The following PDGFC variants were observed in gnomAD, a reference collection of about 807,000 sequenced individuals.
The protein encoded by PDGFC is platelet-derived growth factor C.
A neutral mutation model predicts 35.5 loss-of-function variants in PDGFC; 12 were observed. That is an observed-to-expected ratio of 0.34 (90% CI 0.22 to 0.55). The LOEUF is 0.55. Ranked by LOEUF, PDGFC falls within the 20% of genes least tolerant of loss-of-function variation. The probability of loss-of-function intolerance (pLI) is 0.91; values close to 1 mark genes in which losing one functional copy is unlikely to be tolerated. For missense variants in PDGFC, 322 were observed against 412.4 expected, an observed-to-expected ratio of 0.78 and a Z score of 1.90; for synonymous variants, 159 against 148.8, an observed-to-expected ratio of 1.07 and a Z score of -0.50.
intron 1 of PDGFC, among the ~76,000 whole-genome samples, chr4:156,928,008 T>A (rs1346084944): frequency 6.6e-6 from 1 of 152,076 alleles, no homozygotes; most frequent in East Asian, 1.9e-4. Context: ...CCTTACATGG[T>A]GGTGGCAAGA....
intron 1 of PDGFC, among the ~76,000 whole-genome samples, chr4:156,908,144 C>A (rs887112682): frequency 6.6e-6 from 1 of 151,972 alleles, no homozygotes; most frequent in Non-Finnish European, 1.5e-5. Context: ...CCAGCCTGGG[C>A]GACAGAGTGA....
In PDGFC at chr4:156,920,644, AACACACACACACACACAC is replaced by A. The variant is rs10611712; in HGVS notation, c.118+50124_118+50141del. Among the ~76,000 whole-genome samples, 32 of 132,048 alleles carry A rather than the reference AACACACACACACACACAC, an allele frequency of 2.4e-4. 1 individual carries two copies. In the East Asian group the frequency reaches 4.9e-3, roughly 20 times the overall value. The allele number at this position is 132,048 out of a possible 152,430, so 86.6% of individuals were successfully genotyped here. Reference sequence around the variant, plus strand: ...TTAGAAAAGCTTAACAGGAAAAGAAAACACACACACACACACACACACACACACACACACACACACACA... The same window carrying A: ...TTAGAAAAGCTTAACAGGAAAAGAAAACACACACACACACACACACACACA... On this transcript the variant is annotated intron_variant, in intron 1 of 5. Transcript: ENST00000502773.
intron 4 of PDGFC, 59 bp downstream of exon 4, chr4:156,772,627 T>C: frequency 9.4e-7 from 1 of 1,064,390 alleles, no homozygotes; most frequent in South Asian, 1.3e-5. Flanking sequence ...GGCAGAAGAA[T>C]CTGAAACATT....
rs569630664 is a variant in PDGFC at position 156,963,516 on chromosome 4, C to CA, written c.118+7269dup. Among the ~76,000 whole-genome samples, 1,418 of 145,648 alleles carry CA rather than the reference C, an allele frequency of 9.7e-3. 10 individuals are homozygous for CA. The highest frequency in any genetic ancestry group is 0.016 in the Non-Finnish European group (1,047 of 65,930). ...AATACAAAAGGGAAAAAGCTAAGTACAAAAAAAAAATCACAGTCTGAAAAT... is the reference window on the plus strand; with the variant it reads ...AATACAAAAGGGAAAAAGCTAAGTACAAAAAAAAAAATCACAGTCTGAAAAT... On this transcript the variant is annotated intron_variant, in intron 1 of 5. Coordinates refer to ENST00000502773, the MANE Select transcript of PDGFC (RefSeq NM_016205.3).
chr4:156,903,527 TAGAA>T (rs1383200754), intron 1 of PDGFC, among the ~76,000 whole-genome samples: 3 of 151,976 alleles, frequency 2.0e-5, no homozygotes, highest in Non-Finnish European at 2.9e-5. Context: ...CTATGAAAAT[TAGAA>T]AGAATGATTT....
At chr4:156,817,309 C>G (rs1732114009) in intron 2 of PDGFC, among the ~76,000 whole-genome samples, 1 of 152,012 alleles carries the variant, frequency 6.6e-6, no homozygotes, top group East Asian at 1.9e-4. Flanking sequence ...AAACAAAAAG[C>G]TGATTCTCAA....
chr4:156,807,850 T>C (rs566620305), intron 3 of PDGFC, among the ~76,000 whole-genome samples: 1 of 152,206 alleles, frequency 6.6e-6, no homozygotes, highest in Middle Eastern at 3.4e-3. Flanking sequence ...TTCTGTATAG[T>C]AATGCATGCA....
At chr4:156,944,085 TATTAG>T (rs1731877982) in intron 1 of PDGFC, among the ~76,000 whole-genome samples, 1 of 152,154 alleles carries the variant, frequency 6.6e-6, no homozygotes, top group Non-Finnish European at 1.5e-5. Context: ...TTAAAGTGGC[TATTAG>T]AGGCACTGTA....
intron 2 of PDGFC, among the ~76,000 whole-genome samples, chr4:156,844,421 A>C (rs1182976363): frequency 1.3e-5 from 2 of 152,194 alleles, no homozygotes; most frequent in African/African-American, 2.4e-5. Flanking sequence ...AAATGAGTAC[A>C]AAAGAAGTAA....
intron 1 of PDGFC, among the ~76,000 whole-genome samples, chr4:156,874,230 T>G (rs371603480): frequency 6.6e-6 from 1 of 152,210 alleles, no homozygotes; most frequent in Non-Finnish European, 1.5e-5. Context: ...CTGTGTATTA[T>G]ACAGTTAATA....
chr4:156,917,312 CA>C (rs1400761740), intron 1 of PDGFC, among the ~76,000 whole-genome samples: 2 of 152,194 alleles, frequency 1.3e-5, no homozygotes, highest in African/African-American at 4.8e-5. Context: ...AAGTCTATCC[CA>C]AACACAGCCC....
chr4:156,920,720 G>A (rs1230466695), intron 1 of PDGFC, among the ~76,000 whole-genome samples: 1 of 151,424 alleles, frequency 6.6e-6, no homozygotes, highest in South Asian at 2.1e-4. Flanking sequence ...TGTCCTGTGG[G>A]TTGGGAATAG....
At chr4:156,777,503 CA>C (rs559166175) in intron 3 of PDGFC, among the ~76,000 whole-genome samples, 295 of 152,182 alleles carry the variant, frequency 1.9e-3, no homozygotes, top group Non-Finnish European at 3.5e-3. Context: ...TTAACATAGA[CA>C]TAGTAGAGAG....
chr4:156,794,944 A>G (rs1731402058), intron 3 of PDGFC, among the ~76,000 whole-genome samples: 1 of 152,160 alleles, frequency 6.6e-6, no homozygotes, highest in Non-Finnish European at 1.5e-5. Context: ...AACAGAACAA[A>G]GGACAAAGGA....
chr4:156,804,215 TAAAC>T lies in PDGFC; in HGVS notation c.495+6618_495+6621del, dbSNP rs199498839. Among the ~76,000 whole-genome samples the T allele has an allele frequency of 2.5e-3, 375 of 151,326 alleles. 1 individual carries two copies. Among genetic ancestry groups the T allele is most frequent in the African/African-American group, 7.3e-3 (302 of 41,294 alleles). ...AAAAGTAATTGTAAAAATAAATAAA[TAAAC>T]AAATAAATAAATAACTGCTAATGTT... On this transcript the variant is annotated intron_variant, in intron 3 of 5. Transcript: ENST00000502773.
At chr4:156,770,078 TA>T (rs1730652179) in intron 4 of PDGFC, 2 of 152,026 alleles carry the variant, frequency 1.3e-5, no homozygotes, top group South Asian at 4.1e-4. Flanking sequence ...TTAACCACAA[TA>T]AAAGGTTAGA....
At chr4:156,780,406 T>G (rs1730946066) in intron 3 of PDGFC, among the ~76,000 whole-genome samples, 1 of 152,126 alleles carries the variant, frequency 6.6e-6, no homozygotes, top group Admixed American at 6.6e-5. Flanking sequence ...AAACCCAAAA[T>G]CTTTGAAGAC....
At chr4:156,833,670 T>C (rs1728997109) in intron 2 of PDGFC, among the ~76,000 whole-genome samples, 2 of 152,224 alleles carry the variant, frequency 1.3e-5, no homozygotes, top group African/African-American at 2.4e-5. Flanking sequence ...TAACAGCTAA[T>C]AGAAAAAGTG....
intron 2 of PDGFC, among the ~76,000 whole-genome samples, chr4:156,812,823 C>G (rs959618254): frequency 4.6e-5 from 7 of 152,118 alleles, no homozygotes; most frequent in African/African-American, 1.7e-4. Context: ...TTGCACAGAG[C>G]TGCCACTCAA....
Sources: allele counts gnomAD v4.1 joint callset (sites outside exome capture counted in the v4.1 genomes callset), GRCh38; gene constraint gnomAD v4.1.1; transcripts MANE v1.5; gene names NCBI Gene and HGNC (gene_info 2026-07-23, HGNC 2026-07-21).